SLC26A6: variants seen among roughly 807,000 people sequenced by gnomAD.
SLC26A6 encodes solute carrier family 26 member 6.
A neutral mutation model predicts 87.1 loss-of-function variants in SLC26A6; 67 were observed. The observed-to-expected ratio is 0.77, with a 90% CI of 0.63 to 0.94. The LOEUF is 0.94. SLC26A6 is among the 40% of genes least tolerant of loss of function. The pLI, the probability that SLC26A6 is intolerant of heterozygous loss-of-function variation, is 0.00. For missense variants in SLC26A6, 902 were observed against 973.0 expected, an observed-to-expected ratio of 0.93 and a Z score of 0.97; for synonymous variants, 414 against 405.9, an observed-to-expected ratio of 1.02 and a Z score of -0.24.
chr3:48,626,648 T>C lies in SLC26A6; in HGVS notation c.2111A>G (p.Tyr704Cys). The change falls in exon 19 of 21, where the codon TAC becomes TGC. Residue 704 changes from tyrosine to cysteine, a missense_variant. Tyr to Cys is a radical substitution (Grantham distance 194). Around this residue, in one of 3 missense-constraint regions of SLC26A6, gnomAD observed 99 missense variants for 100.1 expected, o/e 0.99. Transcript: ENST00000395550. ...HDFREIEVEV[Y>C]MAACHSPVVS... ...CTACTCACTGTGGCAGGCCGCCATG[T>C]ACACCTCCACCTCAATCTCCCGGAA... is the stretch of plus-strand genomic sequence containing the variant. 6.2e-7 allele frequency: 1 copy of C among 1,614,190 alleles called. No individual in the cohort carries two copies. Among genetic ancestry groups the C allele is most frequent in the Non-Finnish European group, 8.5e-7 (1 of 1,180,032 alleles).
At chr3:48,633,747 C>A in intron 1 of SLC26A6, 112 bp from the exon 2 acceptor site, 1 of 1,529,972 alleles carries the variant, frequency 6.5e-7, no homozygotes, top group Non-Finnish European at 8.7e-7. Context: ...GCCCTAAGAT[C>A]AAGGTACAGT....
Position 48,628,150 on chromosome 3 carries a change from C to T in SLC26A6, c.1801-112G>A. 1 of 1,058,342 alleles carries T rather than the reference C, an allele frequency of 9.4e-7. No homozygotes were observed. The highest frequency in any genetic ancestry group is 2.5e-5 in the East Asian group (1 of 40,686). The allele number at this position is 1,058,342 out of a possible 1,614,324, so 65.6% of individuals were successfully genotyped here. A position where few individuals can be genotyped will look rare whatever the true frequency, so the allele number is the denominator to read the frequency against. ...GCTGGGCAGGTGGGTGGGCCAGGACCAGAAGCTGTGGGACCTGCAGCAGCC... is the reference window on the plus strand; with the variant it reads ...GCTGGGCAGGTGGGTGGGCCAGGACTAGAAGCTGTGGGACCTGCAGCAGCC... On this transcript the variant is annotated intron_variant, in intron 16 of 20. Coordinates refer to ENST00000395550, the MANE Select transcript of SLC26A6 (RefSeq NM_022911.3). The surrounding 1 kb of genome is among the most constrained non-coding windows in gnomAD (Gnocchi z 4.4).
chr3:48,633,556 G>A lies in SLC26A6; in HGVS notation c.103C>T (p.Leu35=). 1 of 1,613,528 alleles carries A rather than the reference G, an allele frequency of 6.2e-7. No individual in the cohort carries two copies. Among genetic ancestry groups the A allele is most frequent in the Non-Finnish European group, 8.5e-7 (1 of 1,180,010 alleles). Residue 35 remains leucine (L), a synonymous_variant, in exon 2 of 21, where the codon CTG becomes TTG. Coordinates refer to ENST00000395550, the MANE Select transcript of SLC26A6 (RefSeq NM_022911.3). ...RRRDYHMERP[L]LNQEHLEELG... is the part of the protein sequence containing the mutation. ...TCCTCCAAATGCTCCTGGTTCAGCAGCGGCCGTTCCATGTGGTAGTCTCGC... is the reference window on the plus strand; with the variant it reads ...TCCTCCAAATGCTCCTGGTTCAGCAACGGCCGTTCCATGTGGTAGTCTCGC...
Position 48,630,420 on chromosome 3 carries a change from G to A in SLC26A6, c.1326+18C>T. On this transcript the variant is annotated intron_variant, in intron 11 of 20. Coordinates refer to ENST00000395550, the MANE Select transcript of SLC26A6 (RefSeq NM_022911.3). ...CTGGCCTGGCCAAGACCTGAAACCT[G>A]GCTGGGTGGGGGCTCACCTTGGGCA... 5 of 1,552,974 alleles carry A rather than the reference G, an allele frequency of 3.2e-6. No homozygotes were observed. Among genetic ancestry groups the A allele is most frequent in the Non-Finnish European group, 4.4e-6 (5 of 1,147,724 alleles).
rs368223579 is a variant in SLC26A6, at chr3:48,633,377, G to A, written c.196C>T (p.Arg66Trp). Residue 66 changes from arginine (R) to tryptophan (W), a missense_variant, in exon 3 of 21, where the codon CGG (arginine) becomes TGG (tryptophan). Arg to Trp is a moderately radical substitution (Grantham distance 101). Coordinates refer to ENST00000395550, the MANE Select transcript of SLC26A6 (RefSeq NM_022911.3). ...WRTWLQCSRA[R>W]AYALLLQHLP... Reference sequence around the variant, plus strand: ...TGTTGGAGCAGAAGGGCATAGGCCCGAGCACGGGAGCACCTAGGGACATGA... The same window carrying A: ...TGTTGGAGCAGAAGGGCATAGGCCCAAGCACGGGAGCACCTAGGGACATGA... The A allele has an allele frequency of 2.4e-5, 39 of 1,613,248 alleles. No homozygotes were observed. Among genetic ancestry groups the A allele is most frequent in the African/African-American group, 1.7e-4 (13 of 74,928 alleles).
chr3:48,632,606 G>A (rs1326547720), intron 4 of SLC26A6: 1 of 736,000 alleles, frequency 1.4e-6, no homozygotes, highest in South Asian at 1.5e-5. Context: ...GGCTAGAAAT[G>A]CTGGCCCTGT....
intron 7 of SLC26A6, 96 bp downstream of exon 7, chr3:48,631,553 C>G: frequency 6.7e-7 from 1 of 1,496,310 alleles, no homozygotes; most frequent in Non-Finnish European, 9.0e-7. Context: ...CCCAGCCCCC[C>G]TCCAGCTGGC....
chr3:48,626,236 G>A lies in SLC26A6; in HGVS notation c.2247C>T (p.Val749=). 3 of 1,614,084 alleles carry A rather than the reference G, an allele frequency of 1.9e-6. No homozygotes were observed. The highest frequency in any genetic ancestry group is 1.1e-5 in the South Asian group (1 of 91,072). Residue 749 remains valine (V), a synonymous_variant, in exon 20 of 21, where the codon GTC becomes GTT. Transcript: ENST00000395550. The part of the protein sequence containing the change: ...VTFALQHPRP[V]PDSPVSVTRL ...GGCTCACCGAAACAGGGCTGTCGGG[G>A]ACAGGCCTCGGGTGTTGGAGGGCAA...
In SLC26A6 at chr3:48,629,490, A is replaced by G. The variant is rs2276852; in HGVS notation, c.1599+152T>C. 0.14 allele frequency: 105,887 copies of G among 782,110 alleles called. 11,113 individuals carry two copies. The highest frequency in any genetic ancestry group is 0.47 in the African/African-American group (27,229 of 57,432). The allele number at this position is 782,110 out of a possible 1,614,324, so 48.4% of individuals were successfully genotyped here. ...TCCCTTCATACCTCTAGAGGGGGTC[A>G]TAGACCTAAACTCCTCCCTTGAAAT... On this transcript the variant is annotated intron_variant, in intron 14 of 20. Coordinates refer to ENST00000395550, the MANE Select transcript of SLC26A6 (RefSeq NM_022911.3).
chr3:48,630,214 T>C (rs1458593972), intron 11 of SLC26A6, 57 bp from the exon 12 acceptor site: 1 of 1,578,634 alleles, frequency 6.3e-7, no homozygotes, highest in Non-Finnish European at 8.7e-7. Flanking sequence ...CTGACAACCC[T>C]CCTCACCGAG....
intron 4 of SLC26A6, 75 bp downstream of exon 4, chr3:48,632,899 C>T: frequency 7.0e-7 from 1 of 1,429,310 alleles, no homozygotes; most frequent in Non-Finnish European, 9.7e-7. Flanking sequence ...TCCTGCCCTG[C>T]TCAGTGCCCC....
intron 19 of SLC26A6, 99 bp from the exon 20 acceptor site, chr3:48,626,453 C>T: frequency 1.3e-6 from 2 of 1,569,634 alleles, no homozygotes; most frequent in Non-Finnish European, 1.7e-6. Flanking sequence ...CCCTGACCTC[C>T]ACCCCTGAGG....
chr3:48,630,732 C>T lies in SLC26A6; in HGVS notation c.1135-12G>A, dbSNP rs1378993509. The T allele has an allele frequency of 1.3e-6, 2 of 1,587,904 alleles. No individual in the cohort carries two copies. The highest frequency in any genetic ancestry group is 1.1e-5 in the South Asian group (1 of 88,278). On this transcript the variant is annotated splice_polypyrimidine_tract_variant and intron_variant, in intron 9 of 20. Coordinates refer to ENST00000395550, the MANE Select transcript of SLC26A6 (RefSeq NM_022911.3). Reference sequence around the variant, plus strand: ...AGGGCCACCAGCTCCTGACGGGGGACAGTACGGGTGTGAGAAGACTTCCTA... The same window carrying T: ...AGGGCCACCAGCTCCTGACGGGGGATAGTACGGGTGTGAGAAGACTTCCTA...
intron 17 of SLC26A6, 90 bp from the exon 18 acceptor site, chr3:48,627,145 GATGGGGAGCATGC>G: frequency 6.8e-7 from 1 of 1,474,450 alleles, no homozygotes; most frequent in Non-Finnish European, 9.2e-7. Flanking sequence ...CGCAAGGTCA[GATGGGGAGCATGC>G]ATGGGACACA....
intron 1 of SLC26A6, chr3:48,634,653 T>C: frequency 1.1e-6 from 1 of 891,992 alleles, no homozygotes; most frequent in Non-Finnish European, 1.3e-6. Flanking sequence ...TGGGGAAGCT[T>C]TCACCAGTCA....
intron 1 of SLC26A6, 53 bp from the exon 2 acceptor site, chr3:48,633,688 C>T (rs1240766626): frequency 6.3e-7 from 1 of 1,596,402 alleles, no homozygotes; most frequent in Non-Finnish European, 8.5e-7. Context: ...GCCCAACCTC[C>T]CCTACACCTC....
chr3:48,629,529 G>A, intron 14 of SLC26A6, 113 bp downstream of exon 14: 1 of 1,213,704 alleles, frequency 8.2e-7, no homozygotes, highest in Non-Finnish European at 1.2e-6. Flanking sequence ...AAAGACCAAA[G>A]CCAAAGTATC....
At position 48,628,820 on chromosome 3, in the gene SLC26A6, G is replaced by T; in HGVS notation, c.1600-106C>A. ...TGTGCCCAGTGCCTGCCACCGCCCA[G>T]CCCTCTGCTCCCCAGGCTGCAGTCC... is the stretch of plus-strand genomic sequence containing the variant. On this transcript the variant is annotated intron_variant, in intron 14 of 20. Transcript: ENST00000395550. The surrounding 1 kb of genome is among the most constrained non-coding windows in gnomAD (Gnocchi z 4.4). The T allele has an allele frequency of 7.6e-7, 1 of 1,315,426 alleles. No homozygotes were observed. 81.5% of individuals were successfully genotyped at this position (1,315,426 alleles called of 1,614,324 possible). A position where few individuals can be genotyped will look rare whatever the true frequency, so the allele number is the denominator to read the frequency against.
intron 9 of SLC26A6, 133 bp from the exon 10 acceptor site, chr3:48,630,853 C>A (rs1262021783): frequency 2.0e-6 from 3 of 1,502,926 alleles, no homozygotes; most frequent in Non-Finnish European, 2.7e-6. Context: ...CTGTCCCACA[C>A]GTCCTGCTCT....
Sources: allele counts gnomAD v4.1 joint callset, GRCh38; gene constraint gnomAD v4.1.1; regional missense constraint gnomAD v4.1.1; non-coding constraint Gnocchi (gnomAD v3.1); transcripts MANE v1.5; gene names NCBI Gene and HGNC (gene_info 2026-07-23, HGNC 2026-07-21).